Variants in STK3 observed in about 807,000 individuals in gnomAD.
The protein encoded by STK3 is serine/threonine-protein kinase 3.
A neutral mutation model predicts 58.0 loss-of-function variants in STK3; 41 were observed. That is an observed-to-expected ratio of 0.71 (90% CI 0.55 to 0.92). The LOEUF (loss-of-function observed/expected upper bound fraction) is 0.92, where lower values mean the gene tolerates loss of function less well. Among genes scored for constraint, STK3 ranks in the 40% least tolerant of loss-of-function variants. The pLI is 0.00. For synonymous variants in STK3, 170 were observed against 191.0 expected (o/e 0.89, Z 0.91); for missense variants, 479 against 602.7 (o/e 0.79, Z 2.15).
At chr8:98,617,217 G>C (rs1179173764) in intron 6 of STK3, among the ~76,000 whole-genome samples, 1 of 150,502 alleles carries the variant, frequency 6.6e-6, no homozygotes, top group African/African-American at 2.5e-5. Flanking sequence ...TGACTACTGG[G>C]TACATAACGA....
intron 6 of STK3, among the ~76,000 whole-genome samples, chr8:98,668,785 A>T (rs1406517386): frequency 6.6e-6 from 1 of 152,200 alleles, no homozygotes; most frequent in East Asian, 1.9e-4. Context: ...TCAAAGTCAG[A>T]GAAAGCCAAC....
chr8:98,355,500 G>A, the STK3 span, among the ~76,000 whole-genome samples: 1 of 152,222 alleles, frequency 6.6e-6, no homozygotes. Flanking sequence ...GGAGGGCTGT[G>A]TAGTACCTAC....
chr8:98,669,997 T>C (rs1822704147), intron 6 of STK3, among the ~76,000 whole-genome samples: 1 of 152,240 alleles, frequency 6.6e-6, no homozygotes, highest in Non-Finnish European at 1.5e-5. Flanking sequence ...ACTGTACTTT[T>C]AGATAACTTT....
At chr8:98,359,186 C>T in the STK3 span, among the ~76,000 whole-genome samples, 5 of 151,748 alleles carry the variant, frequency 3.3e-5, no homozygotes, top group African/African-American at 4.8e-5. Flanking sequence ...CTCCAAAAGA[C>T]AGAGTCACCC....
intron 3 of STK3, among the ~76,000 whole-genome samples, chr8:98,864,728 A>G (rs1185642111): frequency 2.0e-5 from 3 of 152,228 alleles, no homozygotes; most frequent in Non-Finnish European, 2.9e-5. Context: ...AAAGGTCAGA[A>G]TAACAGTAGC....
intron 6 of STK3, among the ~76,000 whole-genome samples, chr8:98,625,191 C>G (rs538483218): frequency 6.6e-6 from 1 of 152,000 alleles, no homozygotes; most frequent in Non-Finnish European, 1.5e-5. Flanking sequence ...TGAAAGAAGG[C>G]GCTTAAACTG....
intron 4 of STK3, among the ~76,000 whole-genome samples, chr8:98,746,742 A>C (rs867373549): frequency 1.3e-5 from 2 of 152,234 alleles, no homozygotes; most frequent in South Asian, 2.1e-4. Flanking sequence ...TATACTGTTC[A>C]GAAGTGAAGT....
chr8:98,431,653 C>G (rs1363519350), intron 3 of STK3: 1 of 167,076 alleles, frequency 6.0e-6, no homozygotes, highest in African/African-American at 2.4e-5. Flanking sequence ...CAGAATAACT[C>G]AGTCACTTTC....
intron 10 of STK3, among the ~76,000 whole-genome samples, chr8:98,495,283 A>G (rs981824738): frequency 6.6e-6 from 1 of 152,172 alleles, no homozygotes; most frequent in Non-Finnish European, 1.5e-5. Context: ...TCTATCTGGG[A>G]TAGAAGATTA....
chr8:98,492,241 TGAGA>T (rs1822755164), intron 10 of STK3, among the ~76,000 whole-genome samples: 1 of 152,098 alleles, frequency 6.6e-6, no homozygotes, highest in South Asian at 2.1e-4. Flanking sequence ...CAGAGAACAA[TGAGA>T]GAGAGAAGTA....
At chr8:98,922,515 G>A (rs954759325) in intron 1 of STK3, among the ~76,000 whole-genome samples, 5 of 152,190 alleles carry the variant, frequency 3.3e-5, no homozygotes, top group African/African-American at 1.2e-4. Flanking sequence ...CATGGACAGC[G>A]ATGGTGTTTT....
chr8:98,852,708 A>T (rs1054178735), intron 3 of STK3, among the ~76,000 whole-genome samples: 4 of 152,206 alleles, frequency 2.6e-5, no homozygotes, highest in African/African-American at 9.7e-5. Flanking sequence ...ATCTCCTTAC[A>T]TGTTTATGTA....
chr8:98,636,337 A>G (rs937489486), intron 6 of STK3, among the ~76,000 whole-genome samples: 1 of 152,172 alleles, frequency 6.6e-6, no homozygotes, highest in Non-Finnish European at 1.5e-5. Context: ...GATACTATTT[A>G]GATACTAGAT....
At chr8:98,699,446 TAG>T (rs1240804809) in intron 6 of STK3, among the ~76,000 whole-genome samples, 1 of 152,178 alleles carries the variant, frequency 6.6e-6, no homozygotes, top group Non-Finnish European at 1.5e-5. Flanking sequence ...CTCTGCTTTT[TAG>T]AGTTTCCAGT....
intron 3 of STK3, among the ~76,000 whole-genome samples, chr8:98,418,606 GTGTCCTAGGGTAGACAGCTGGGCA>G (rs1277297394): frequency 2.0e-5 from 3 of 152,166 alleles, no homozygotes; most frequent in Non-Finnish European, 4.4e-5. Context: ...AGCTTGGAAT[GTGTCCTAGGGTAGACAGCTGGGCA>G]TGATAAAGAC....
rs1245573773 is a variant in STK3, at chr8:98,596,078, A to G, written c.776T>C (p.Leu259Ser). 1.2e-6 allele frequency: 2 copies of G among 1,613,310 alleles called. No homozygotes were observed. Among genetic ancestry groups the G allele is most frequent in the African/African-American group, 1.3e-5 (1 of 74,926 alleles). ...AGCTCTCTGCTCAGGATTCTTCACCAAACACTTTTTAACAAAATCGGTGAA... is the reference window on the plus strand; with the variant it reads ...AGCTCTCTGCTCAGGATTCTTCACCGAACACTTTTTAACAAAATCGGTGAA... ...DDFTDFVKKC[L>S]VKNPEQRATA... Residue 259 changes from leucine (L) to serine (S), a missense_variant, in exon 7 of 11, where the codon TTG becomes TCG. Physicochemically the swap from Leu to Ser is moderately radical, Grantham distance 145. Transcript: ENST00000419617.
chr8:98,471,200 T>C (rs1042424727), intron 10 of STK3, among the ~76,000 whole-genome samples: 22 of 152,064 alleles, frequency 1.4e-4, no homozygotes, highest in Admixed American at 1.2e-3. Context: ...GCTCTACAGA[T>C]ATGAATAGTG....
intron 1 of STK3, among the ~76,000 whole-genome samples, chr8:98,799,896 C>T (rs897571132): frequency 1.3e-5 from 2 of 152,188 alleles, no homozygotes; most frequent in African/African-American, 4.8e-5. Context: ...CTCTCCAAAA[C>T]TGCCGAGGCC....
chr8:98,426,134 C>T lies in STK3; in HGVS notation n.483+7993G>A, dbSNP rs182763110. On this transcript the variant is annotated intron_variant and non_coding_transcript_variant, in intron 3 of 3. Coordinates refer to the STK3 transcript ENST00000517832. ...ACCAGTCCCCACTCCAGCTTGAACC[C>T]CCCAGTCCCCACTGTCGGCAAGCAC... Among the ~76,000 whole-genome samples the T allele has an allele frequency of 3.0e-3, 463 of 152,288 alleles. 4 individuals carry two copies. The highest frequency in any genetic ancestry group is 0.011 in the African/African-American group (443 of 41,556).
Sources: allele counts gnomAD v4.1 joint callset (sites outside exome capture counted in the v4.1 genomes callset), GRCh38; gene constraint gnomAD v4.1.1; transcripts MANE v1.5; gene names NCBI Gene and HGNC (gene_info 2026-07-23, HGNC 2026-07-21).